DACH1: variants seen among roughly 807,000 people sequenced by gnomAD.
DACH1 encodes dachshund homolog 1.
In DACH1, 12 loss-of-function variants were observed where a neutral mutation model predicts 54.2. That is an observed-to-expected ratio of 0.22 (90% confidence interval 0.14 to 0.36). The LOEUF (loss-of-function observed/expected upper bound fraction) is 0.36. DACH1 is among the 10% of genes least tolerant of loss of function. DACH1 has a pLI of 1.00. For missense variants in DACH1, 805 were observed against 929.8 expected (o/e 0.87, Z 1.75); for synonymous variants, 386 against 366.2 (o/e 1.05, Z -0.62).
At chr13:71,705,043 T>G (rs1460061304) in intron 1 of DACH1, among the ~76,000 whole-genome samples, 1 of 152,234 alleles carries the variant, frequency 6.6e-6, no homozygotes, top group African/African-American at 2.4e-5. Context: ...TACATTCACA[T>G]TTTTATGGTA....
chr13:71,614,516 G>C (rs1875605587), intron 3 of DACH1, among the ~76,000 whole-genome samples: 2 of 151,962 alleles, frequency 1.3e-5, no homozygotes, highest in South Asian at 4.1e-4. Context: ...TGACACCAAG[G>C]CTAAGGATAA....
intron 1 of DACH1, among the ~76,000 whole-genome samples, chr13:71,858,935 G>GTC (rs1874180267): frequency 6.6e-6 from 1 of 150,902 alleles, no homozygotes; most frequent in South Asian, 2.1e-4. Flanking sequence ...CTCTCTGTGT[G>GTC]TCTCTCTCTC....
At chr13:71,468,253 A>ATT (rs1198793940) in intron 10 of DACH1, among the ~76,000 whole-genome samples, 6 of 152,194 alleles carry the variant, frequency 3.9e-5, no homozygotes, top group African/African-American at 1.4e-4. Context: ...TAATAATAAA[A>ATT]TTTAATACTA....
intron 1 of DACH1, among the ~76,000 whole-genome samples, chr13:71,708,239 CA>C (rs1446590215): frequency 2.0e-5 from 3 of 151,946 alleles, no homozygotes; most frequent in Non-Finnish European, 2.9e-5. Context: ...AATCAACAAG[CA>C]AACCATATAG....
chr13:71,691,786 T>G (rs1383606296), intron 1 of DACH1, among the ~76,000 whole-genome samples: 1 of 152,174 alleles, frequency 6.6e-6, no homozygotes, highest in East Asian at 1.9e-4. Context: ...ATACTATACC[T>G]TCCCTCAAGT....
intron 10 of DACH1, among the ~76,000 whole-genome samples, chr13:71,459,244 A>G (rs1875859739): frequency 6.6e-6 from 1 of 151,960 alleles, no homozygotes; most frequent in African/African-American, 2.4e-5. Flanking sequence ...ATTAAAAACA[A>G]AGAGCTATTT....
At chr13:71,473,425 C>T (rs1877254594) in intron 10 of DACH1, among the ~76,000 whole-genome samples, 1 of 152,100 alleles carries the variant, frequency 6.6e-6, no homozygotes, top group South Asian at 2.1e-4. Flanking sequence ...AACTTTTCTT[C>T]AGAATAAGTC....
At chr13:71,663,339 T>G (rs1327381764) in intron 2 of DACH1, among the ~76,000 whole-genome samples, 6 of 151,992 alleles carry the variant, frequency 3.9e-5, no homozygotes, top group African/African-American at 1.4e-4. Context: ...TAAACAACTT[T>G]GTCATTTTAA....
At chr13:71,617,138 G>A (rs1351600757) in intron 3 of DACH1, among the ~76,000 whole-genome samples, 1 of 151,938 alleles carries the variant, frequency 6.6e-6, no homozygotes, top group Non-Finnish European at 1.5e-5. Context: ...CAAAGTGCTG[G>A]GATTACAGGC....
At position 71,525,302 on chromosome 13, in the gene DACH1, T is replaced by C. The variant is rs377139777; in HGVS notation, c.1570+31722A>G. Among the ~76,000 whole-genome samples the C allele has an allele frequency of 8.7e-4, 133 of 152,188 alleles. 2 individuals are homozygous for C. Among genetic ancestry groups the C allele is most frequent in the Admixed American group, 2.0e-3 (31 of 15,288 alleles). ...AAGCTTCATTAACAAAAATGGACTA[T>C]TTACTGCCTTGCTCAGAGCCTGTGG... On this transcript the variant is annotated intron_variant, in intron 6 of 10. Coordinates refer to ENST00000613252, the MANE Select transcript of DACH1 (RefSeq NM_080759.6).
rs76984631 is a variant in DACH1 at position 71,682,769 on chromosome 13, C to T, written c.849-859G>A. ...TTTAGCAGTACTGTACTTTACATGC[C>T]TATTGCACAAGATTAATTATTACAG... On this transcript the variant is annotated intron_variant, in intron 1 of 10. Coordinates refer to ENST00000613252, the MANE Select transcript of DACH1 (RefSeq NM_080759.6). Among the ~76,000 whole-genome samples the T allele has an allele frequency of 4.5e-3, 686 of 152,110 alleles. 2 individuals are homozygous for T. The highest frequency in any genetic ancestry group is 0.023 in the East Asian group (121 of 5,180).
intron 1 of DACH1, among the ~76,000 whole-genome samples, chr13:71,702,097 A>C (rs1594113865): frequency 6.6e-6 from 1 of 152,274 alleles, no homozygotes; most frequent in Admixed American, 6.5e-5. Flanking sequence ...TTTCCATTTT[A>C]TTCTAACTTT....
At chr13:71,687,953 A>G (rs1481447923) in intron 1 of DACH1, among the ~76,000 whole-genome samples, 1 of 152,208 alleles carries the variant, frequency 6.6e-6, no homozygotes, top group Non-Finnish European at 1.5e-5. Flanking sequence ...AACTTGGATC[A>G]TATTTTTCAG....
chr13:71,509,488 T>C (rs1189170917), intron 6 of DACH1, among the ~76,000 whole-genome samples: 1 of 152,060 alleles, frequency 6.6e-6, no homozygotes, highest in African/African-American at 2.4e-5. Flanking sequence ...AAGTACAAGG[T>C]TATCAGGGCT....
intron 1 of DACH1, among the ~76,000 whole-genome samples, chr13:71,833,301 C>G (rs149675074): frequency 2.6e-5 from 4 of 152,006 alleles, no homozygotes; most frequent in Non-Finnish European, 5.9e-5. Context: ...TTTAAAGAGG[C>G]TCATGAAAGT....
chr13:71,493,340 G>C (rs1267866483), intron 6 of DACH1, among the ~76,000 whole-genome samples: 1 of 152,102 alleles, frequency 6.6e-6, no homozygotes, highest in Admixed American at 6.6e-5. Context: ...GTTGAAAGTA[G>C]ATTCTTCCTA....
At chr13:71,462,871 TACACACAC>T (rs374818301) in intron 10 of DACH1, among the ~76,000 whole-genome samples, 1,374 of 102,882 alleles carry the variant, frequency 0.013, 21 homozygotes, top group East Asian at 0.049. Context: ...TCTATCTATC[TACACACAC>T]ACACACACAC....
chr13:71,523,924 T>C (rs1377878852), intron 6 of DACH1, among the ~76,000 whole-genome samples: 1 of 152,164 alleles, frequency 6.6e-6, no homozygotes, highest in African/African-American at 2.4e-5. Flanking sequence ...AATTATATGT[T>C]ACCACAGTGC....
chr13:71,777,581 G>A (rs1005457751), intron 1 of DACH1, among the ~76,000 whole-genome samples: 3 of 152,024 alleles, frequency 2.0e-5, no homozygotes, highest in African/African-American at 4.8e-5. Context: ...TATATTGGCA[G>A]TGACTGCATC....
Sources: gnomAD v4.1 joint callset for allele counts (sites outside exome capture counted in the v4.1 genomes callset) on GRCh38, gnomAD v4.1.1 for gene constraint, MANE v1.5 for transcripts, NCBI Gene and HGNC (gene_info 2026-07-23, HGNC 2026-07-21) for gene names.